ADAM2: variants seen among roughly 807,000 people sequenced by gnomAD.
ADAM2 encodes the protein ADAM metallopeptidase domain 2, also known as disintegrin and metalloproteinase domain-containing protein 2.
In ADAM2, 101 loss-of-function variants were observed where a neutral mutation model predicts 99.3. That is an observed-to-expected ratio of 1.02 (90% CI 0.87 to 1.20). ADAM2 has a LOEUF of 1.20. ADAM2 is among the 50% of genes most tolerant of loss of function. The pLI, the probability that ADAM2 is intolerant of heterozygous loss-of-function variation, is 0.00. For synonymous variants in ADAM2, 323 were observed against 287.6 expected, an observed-to-expected ratio of 1.12 and a Z score of -1.25; for missense variants, 948 against 878.7, an observed-to-expected ratio of 1.08 and a Z score of -1.00.
chr8:39,816,171 C>T (rs924616616), intron 6 of ADAM2, among the ~76,000 whole-genome samples: 23 of 152,116 alleles, frequency 1.5e-4, no homozygotes, highest in African/African-American at 5.6e-4. Flanking sequence ...GTGGTGTGCA[C>T]CTCTAATACC....
chr8:39,786,230 C>T (rs13265483), intron 10 of ADAM2, among the ~76,000 whole-genome samples: 56,212 of 151,936 alleles, frequency 0.37, 10,990 homozygotes, highest in South Asian at 0.6. Flanking sequence ...CAATCATATC[C>T]GAAACCTTAG....
intron 7 of ADAM2, among the ~76,000 whole-genome samples, chr8:39,808,220 A>G (rs1189348326): frequency 6.6e-6 from 1 of 151,374 alleles, no homozygotes; most frequent in African/African-American, 2.4e-5. Flanking sequence ...ACACACACAC[A>G]CAATTACAAG....
chr8:39,821,344 A>G (rs972565612), intron 5 of ADAM2, among the ~76,000 whole-genome samples, 174 bp from the exon 6 acceptor site: 5 of 152,212 alleles, frequency 3.3e-5, no homozygotes, highest in African/African-American at 9.6e-5. Context: ...GACACCGCAT[A>G]GTAATGCTGT....
At position 39,799,853 on chromosome 8, in the gene ADAM2, C is replaced by G. The variant is rs1299848827; in HGVS notation, c.570+9557G>C. ...TCTGTTTTGTCAGAGACTAGGAATA[C>G]AACCATTTTTGTCTTTCCATTTACT... On this transcript the variant is annotated intron_variant, in intron 7 of 20. Transcript: ENST00000265708. Among the ~76,000 whole-genome samples, 4 of 151,704 alleles carry G rather than the reference C, an allele frequency of 2.6e-5. No individual in the cohort carries two copies. The East Asian group carries it at 5.8e-4, about 22-fold the overall frequency.
At chr8:39,790,925 T>A (rs1333672331) in intron 7 of ADAM2, among the ~76,000 whole-genome samples, 2 of 151,838 alleles carry the variant, frequency 1.3e-5, no homozygotes, top group Non-Finnish European at 2.9e-5. Flanking sequence ...TTTTCCCCCA[T>A]GACAAAAATA....
At chr8:39,797,332 C>T (rs1291139837) in intron 7 of ADAM2, among the ~76,000 whole-genome samples, 1 of 152,112 alleles carries the variant, frequency 6.6e-6, no homozygotes, top group Non-Finnish European at 1.5e-5. Flanking sequence ...TTGTTTTTGT[C>T]AGGATTGTCA....
In ADAM2 at chr8:39,790,544, G is replaced by A. The variant is rs141017647; in HGVS notation, c.571-1804C>T. ...ACAGGAAAGTAAGGGCAGAGGGATT[G>A]GGAGTAATTGCTAATGGATGCAAAG... On this transcript the variant is annotated intron_variant, in intron 7 of 20. Transcript: ENST00000265708. Among the ~76,000 whole-genome samples, 1,075 of 152,044 alleles carry A rather than the reference G, an allele frequency of 7.1e-3. 13 individuals are homozygous for A. The highest frequency in any genetic ancestry group is 0.024 in the African/African-American group (1,002 of 41,524).
intron 9 of ADAM2, 74 bp downstream of exon 9, chr8:39,788,011 C>A (rs866996861): frequency 9.9e-7 from 1 of 1,010,956 alleles, no homozygotes; most frequent in East Asian, 2.9e-5. Context: ...ACACATTTAT[C>A]AACAGTAAGA....
chr8:39,787,811 T>G (rs910239072), intron 9 of ADAM2, among the ~76,000 whole-genome samples: 1 of 151,694 alleles, frequency 6.6e-6, no homozygotes, highest in African/African-American at 2.4e-5. Context: ...TGTGAAAATT[T>G]TATGTATTGT....
At chr8:39,792,562 G>T (rs1353010706) in intron 7 of ADAM2, among the ~76,000 whole-genome samples, 1 of 151,958 alleles carries the variant, frequency 6.6e-6, no homozygotes, top group Non-Finnish European at 1.5e-5. Flanking sequence ...GTTGATAAAT[G>T]CCTTGTGAAG....
At chr8:39,830,537 G>A (rs1326478763) in intron 3 of ADAM2, among the ~76,000 whole-genome samples, 1 of 152,108 alleles carries the variant, frequency 6.6e-6, no homozygotes, top group Non-Finnish European at 1.5e-5. Context: ...AATGATCAAA[G>A]CAATAGAAAC....
At chr8:39,824,240 G>A (rs190086647) in intron 4 of ADAM2, among the ~76,000 whole-genome samples, 19 of 138,254 alleles carry the variant, frequency 1.4e-4, no homozygotes, top group Admixed American at 2.3e-4. Context: ...CTGAGATCGC[G>A]CCATTGCACT....
Position 39,821,091 on chromosome 8 carries a change from G to A in ADAM2, c.424C>T (p.Gln142Ter), listed in dbSNP as rs1404268873. ...ACATCTGCTTTCTTATGTTTTACTTGGTAAATTACATGTTCAAAGCCAACT... is the reference window on the plus strand; with the variant it reads ...ACATCTGCTTTCTTATGTTTTACTTAGTAAATTACATGTTCAAAGCCAACT... Reference protein sequence around the residue: ...SSVGFEHVIYQVKHKKADVSL... With the variant: ...SSVGFEHVIY The change falls in exon 6 of 21, where the codon CAA becomes TAA. Residue 142 changes from glutamine to a stop codon, truncating the protein, a stop_gained. Transcript: ENST00000265708. LOFTEE classifies it high-confidence loss of function. The A allele has an allele frequency of 6.2e-7, 1 of 1,608,554 alleles. No homozygotes were observed. Among genetic ancestry groups the A allele is most frequent in the African/African-American group, 1.3e-5 (1 of 74,760 alleles).
intron 7 of ADAM2, among the ~76,000 whole-genome samples, chr8:39,798,681 G>A (rs931159255): frequency 6.6e-6 from 1 of 151,950 alleles, no homozygotes; most frequent in Non-Finnish European, 1.5e-5. Context: ...GGCTTTTTTT[G>A]GTTGTCAGGC....
At chr8:39,751,430 C>T (rs1801942212) in intron 16 of ADAM2, among the ~76,000 whole-genome samples, 1 of 152,134 alleles carries the variant, frequency 6.6e-6, no homozygotes, top group Non-Finnish European at 1.5e-5. Flanking sequence ...GTTGGTATTA[C>T]TGGTACCCTT....
In ADAM2 at chr8:39,769,509, C is replaced by G; in HGVS notation, c.1095G>C (p.Lys365Asn). The change falls in exon 12 of 21, where the codon AAG becomes AAC. Residue 365 changes from lysine (K) to asparagine (N), a missense_variant. By Grantham distance (94) the Lys-to-Asn change is moderately conservative. Coordinates refer to ENST00000265708, the MANE Select transcript of ADAM2 (RefSeq NM_001464.5). ...SFEDFAHFIS[K>N]QKSQCLHNQP... Reference sequence around the variant, plus strand: ...GATTGTGAAGACACTGGGACTTCTGCTTTGAAATAAAATGTGCAAAGTCTT... The same window carrying G: ...GATTGTGAAGACACTGGGACTTCTGGTTTGAAATAAAATGTGCAAAGTCTT... 1 of 1,613,826 alleles carries G rather than the reference C, an allele frequency of 6.2e-7. No homozygotes were observed. Among genetic ancestry groups the G allele is most frequent in the East Asian group, 2.2e-5 (1 of 44,874 alleles).
intron 6 of ADAM2, among the ~76,000 whole-genome samples, chr8:39,809,762 T>C (rs1185394090): frequency 6.6e-6 from 1 of 152,122 alleles, no homozygotes. Flanking sequence ...AGGCCTGCCT[T>C]ACAAGAGCTC....
chr8:39,766,282 C>G (rs898215564), intron 14 of ADAM2, among the ~76,000 whole-genome samples: 1 of 152,112 alleles, frequency 6.6e-6, no homozygotes, highest in Non-Finnish European at 1.5e-5. Flanking sequence ...AGTTTGTGTT[C>G]TCTCTACTTT....
chr8:39,828,664 G>C (rs72642856), intron 3 of ADAM2, among the ~76,000 whole-genome samples: 24,236 of 151,734 alleles, frequency 0.16, 2,278 homozygotes, highest in Non-Finnish European at 0.21. Context: ...TTAAAACTAT[G>C]ACATTTGGAC....
Sources: allele counts gnomAD v4.1 joint callset (sites outside exome capture counted in the v4.1 genomes callset), GRCh38; gene constraint gnomAD v4.1.1; transcripts MANE v1.5; gene names NCBI Gene and HGNC (gene_info 2026-07-23, HGNC 2026-07-21).